GAB2: variants seen among roughly 807,000 people sequenced by gnomAD.
GAB2 encodes the protein GRB2 associated binding protein 2.
Under a neutral mutation model 65.5 loss-of-function variants are expected in GAB2, and 26 were observed. That is an observed-to-expected ratio of 0.40 (90% CI 0.29 to 0.55). The LOEUF (loss-of-function observed/expected upper bound fraction) is 0.55, where lower values mean the gene tolerates loss of function less well. GAB2 is among the 20% of genes least tolerant of loss of function. The pLI, the probability that GAB2 is intolerant of heterozygous loss-of-function variation, is 0.53. For synonymous variants in GAB2, 321 were observed against 329.6 expected (o/e 0.97, Z 0.28); for missense variants, 884 against 875.8 (o/e 1.01, Z -0.12).
intron 1 of GAB2, among the ~76,000 whole-genome samples, chr11:78,394,686 C>T (rs1485797314): frequency 5.3e-5 from 8 of 152,336 alleles, no homozygotes; most frequent in African/African-American, 9.6e-5. Flanking sequence ...CTGTTTGGCA[C>T]AGATATGTCT....
chr11:78,376,112 G>C (rs955153694), intron 1 of GAB2, among the ~76,000 whole-genome samples: 3 of 152,254 alleles, frequency 2.0e-5, no homozygotes. Flanking sequence ...AACAGGACCA[G>C]ATAGGCAGGG....
chr11:78,221,632 A>C, intron 8 of GAB2, 45 bp downstream of exon 8: 1 of 1,227,066 alleles, frequency 8.1e-7, no homozygotes, highest in South Asian at 1.3e-5. Flanking sequence ...GGTGGGTCCC[A>C]GGGGACTTGA....
At chr11:78,372,051 C>T (rs1042512890) in intron 1 of GAB2, among the ~76,000 whole-genome samples, 1 of 152,182 alleles carries the variant, frequency 6.6e-6, no homozygotes, top group Non-Finnish European at 1.5e-5. Flanking sequence ...TCACAAGGCA[C>T]TCTTATCCTG....
intron 3 of GAB2, among the ~76,000 whole-genome samples, chr11:78,229,378 A>AAAG (rs1864772792): frequency 6.6e-6 from 1 of 152,216 alleles, no homozygotes; most frequent in Non-Finnish European, 1.5e-5. Context: ...AGGCCAGGCC[A>AAAG]GGACTAAAGG....
rs1864689494 is a variant in GAB2 at position 78,227,030 on chromosome 11, G to A, written c.642C>T (p.Gly214=). Residue 214 remains glycine (G), a synonymous_variant, in exon 4 of 10, where the codon GGC becomes GGT. Transcript: ENST00000361507. ...TCCTCATGAGAAAAGAGGCTCTGGT[G>A]CCCTGAGAGAAGCTGGCACTCCTAA... The part of the protein sequence containing the change: ...ENARSASFSQ[G]TRASFLMRSD... 1 of 1,611,076 alleles carries A rather than the reference G, an allele frequency of 6.2e-7. No homozygotes were observed. Among genetic ancestry groups the A allele is most frequent in the African/African-American group, 1.3e-5 (1 of 74,910 alleles).
intron 1 of GAB2, among the ~76,000 whole-genome samples, chr11:78,371,727 G>C (rs938072355): frequency 2.0e-5 from 3 of 152,162 alleles, no homozygotes; most frequent in Non-Finnish European, 4.4e-5. Flanking sequence ...CCAATTCTCA[G>C]GGGAGACAGC....
At chr11:78,243,791 C>T (rs11237428) in intron 3 of GAB2, among the ~76,000 whole-genome samples, 8,038 of 152,216 alleles carry the variant, frequency 0.053, 732 homozygotes, top group African/African-American at 0.19. Context: ...TTGTAGTGAG[C>T]TGAGATCGCG....
At chr11:78,268,621 C>T (rs369361276) in intron 2 of GAB2, among the ~76,000 whole-genome samples, 8 of 151,488 alleles carry the variant, frequency 5.3e-5, no homozygotes, top group South Asian at 2.1e-4. Flanking sequence ...AAGCTTCTGG[C>T]GCTGTGGAGT....
At chr11:78,247,830 C>T (rs1438575091) in intron 3 of GAB2, among the ~76,000 whole-genome samples, 1 of 152,226 alleles carries the variant, frequency 6.6e-6, no homozygotes, top group Non-Finnish European at 1.5e-5. Context: ...ACCCTCCCAA[C>T]TTCCTTTGGA....
intron 1 of GAB2, among the ~76,000 whole-genome samples, chr11:78,368,278 T>C (rs1278603289): frequency 6.6e-6 from 1 of 152,228 alleles, no homozygotes; most frequent in Non-Finnish European, 1.5e-5. Context: ...TCTGCCTTGA[T>C]GGTTTGATTA....
At chr11:78,245,527 TA>T (rs1346847264) in intron 3 of GAB2, among the ~76,000 whole-genome samples, 1 of 152,140 alleles carries the variant, frequency 6.6e-6, no homozygotes, top group East Asian at 1.9e-4. Flanking sequence ...AATTTCCAGA[TA>T]AATGAAAGCT....
At chr11:78,290,020 G>A (rs184145198) in intron 1 of GAB2, among the ~76,000 whole-genome samples, 4 of 151,904 alleles carry the variant, frequency 2.6e-5, no homozygotes, top group Admixed American at 6.6e-5. Flanking sequence ...TATTTGTAAC[G>A]GGGAGCCATT....
chr11:78,270,622 C>A (rs1442242654), intron 2 of GAB2, among the ~76,000 whole-genome samples: 1 of 152,212 alleles, frequency 6.6e-6, no homozygotes, highest in Non-Finnish European at 1.5e-5. Context: ...ACCTATCTCA[C>A]TTTGTTTCCT....
At chr11:78,364,100 G>A (rs1489585569) in intron 1 of GAB2, 1 of 152,046 alleles carries the variant, frequency 6.6e-6, no homozygotes, top group Non-Finnish European at 1.5e-5. Context: ...TCAGACAGAA[G>A]GTACTAAGGG....
At chr11:78,253,006 T>G (rs1166315502) in intron 2 of GAB2, among the ~76,000 whole-genome samples, 3 of 137,930 alleles carry the variant, frequency 2.2e-5, no homozygotes, top group African/African-American at 8.3e-5. Flanking sequence ...TATCTTTCCT[T>G]TTTTTTTTTT....
intron 2 of GAB2, among the ~76,000 whole-genome samples, chr11:78,271,113 C>T (rs1865998724): frequency 6.6e-6 from 1 of 152,220 alleles, no homozygotes; most frequent in African/African-American, 2.4e-5. Flanking sequence ...GGGTTGACTC[C>T]TGAGCACATG....
intron 2 of GAB2, among the ~76,000 whole-genome samples, chr11:78,254,530 T>G (rs536877526): frequency 2.0e-5 from 3 of 152,236 alleles, no homozygotes; most frequent in Non-Finnish European, 2.9e-5. Flanking sequence ...CTGGGTGCAA[T>G]AGCTCATGCT....
At chr11:78,332,037 A>G (rs1467472274) in intron 1 of GAB2, among the ~76,000 whole-genome samples, 9 of 152,206 alleles carry the variant, frequency 5.9e-5, no homozygotes, top group Non-Finnish European at 8.8e-5. Flanking sequence ...TGCCTCTAGG[A>G]AAAGACAAGA....
At chr11:78,322,569 C>T (rs1177274083) in intron 1 of GAB2, among the ~76,000 whole-genome samples, 2 of 151,676 alleles carry the variant, frequency 1.3e-5, no homozygotes, top group Non-Finnish European at 2.9e-5. Flanking sequence ...TGACAAAGGA[C>T]TAATACTGAG....
Sources: allele counts gnomAD v4.1 joint callset (sites outside exome capture counted in the v4.1 genomes callset), GRCh38; gene constraint gnomAD v4.1.1; transcripts MANE v1.5; gene names NCBI Gene and HGNC (gene_info 2026-07-23, HGNC 2026-07-21).